Variants in NPR2 observed in about 807,000 individuals in gnomAD.
NPR2 encodes atrial natriuretic peptide receptor 2.
In NPR2, 49 loss-of-function variants were observed where a neutral mutation model predicts 120.7. The observed-to-expected ratio is 0.41, with a 90% CI of 0.32 to 0.52. The LOEUF is 0.52. Among genes scored for constraint, NPR2 ranks in the 20% least tolerant of loss-of-function variants. The pLI is 0.36. For synonymous variants in NPR2, 484 were observed against 519.8 expected (o/e 0.93, Z 0.94); for missense variants, 931 against 1,362.9 (o/e 0.68, Z 4.99).
Position 35,805,846 on chromosome 9 carries a change from C to T in NPR2, c.2064C>T (p.Ala688=), listed in dbSNP as rs1359920992. ...TCTTTTCAGAGAAGCTGTGGACTGC[C>T]CCAGAACTGCTCAGTGGGAACCCCT... ...HALYAKKLWT[A]PELLSGNPLP... Residue 688 remains alanine, a synonymous_variant, in exon 14 of 22, where the codon GCC becomes GCT. Transcript: ENST00000342694. The surrounding 1 kb of genome is among the most constrained non-coding windows in gnomAD (Gnocchi z 4.9). 2.5e-6 allele frequency: 4 copies of T among 1,614,170 alleles called. No homozygotes were observed.
rs116387591 is a variant in NPR2, at chr9:35,794,297, T to C, written c.873+194T>C. Among the ~76,000 whole-genome samples the C allele has an allele frequency of 5.4e-3, 816 of 152,368 alleles. 7 individuals are homozygous for C. Among genetic ancestry groups the C allele is most frequent in the African/African-American group, 0.018 (760 of 41,584 alleles). On this transcript the variant is annotated intron_variant, in intron 2 of 21. Transcript: ENST00000342694. ...CTTTTGTGACTCTTAGTGTGCTTGC[T>C]GCCAAGACTGACTTTGGCTGCCTCC... is the stretch of plus-strand genomic sequence containing the variant.
chr9:35,807,794 T>C (rs775708078), intron 18 of NPR2, among the ~76,000 whole-genome samples: 6 of 152,220 alleles, frequency 3.9e-5, no homozygotes, highest in Admixed American at 6.5e-5. Context: ...GTTGAAGTTA[T>C]TGAGTTGGAT....
intron 2 of NPR2, among the ~76,000 whole-genome samples, 153 bp from the exon 3 acceptor site, chr9:35,799,465 G>A (rs1828061398): frequency 6.6e-6 from 1 of 151,970 alleles, no homozygotes; most frequent in Non-Finnish European, 1.5e-5. Flanking sequence ...CACGCAGAGA[G>A]AGAGAGGTTA....
chr9:35,805,872 T>G lies in NPR2; in HGVS notation c.2090T>G (p.Leu697Trp). 1 of 1,614,154 alleles carries G rather than the reference T, an allele frequency of 6.2e-7. No individual in the cohort carries two copies. ...CCAGAACTGCTCAGTGGGAACCCCT[T>G]GCCAACCACAGGCATGCAGAAGGCT... is the stretch of plus-strand genomic sequence containing the variant. ...TAPELLSGNP[L>W]PTTGMQKADV... The change falls in exon 14 of 22, where the codon TTG becomes TGG. Residue 697 changes from leucine to tryptophan, a missense_variant. This residue lies in a region of NPR2 where 681 missense variants were observed against 974.3 expected (regional missense o/e 0.70). Transcript: ENST00000342694. This position sits in a 1 kb window ranked among gnomAD's most constrained non-coding sequence, Gnocchi z 4.9.
rs1827818360 is a variant in NPR2 at position 35,792,583 on chromosome 9, G to T, written c.175G>T (p.Ala59Ser). ...VALAVEALGR[A>S]LPVDLRFVSS... ...ACTAGCTGTGGAGGCTCTGGGCCGG[G>T]CACTGCCCGTGGACCTGCGGTTTGT... The change falls in exon 1 of 22, where the codon GCA (alanine) becomes TCA (serine). Residue 59 changes from alanine (A) to serine (S), a missense_variant. Transcript: ENST00000342694. 1 of 1,613,136 alleles carries T rather than the reference G, an allele frequency of 6.2e-7. No homozygotes were observed. The highest frequency in any genetic ancestry group is 8.5e-7 in the Non-Finnish European group (1 of 1,180,000).
At chr9:35,796,633 A>C (rs559898717) in intron 2 of NPR2, among the ~76,000 whole-genome samples, 1 of 152,248 alleles carries the variant, frequency 6.6e-6, no homozygotes, top group South Asian at 2.1e-4. Flanking sequence ...TCTCCCCCTC[A>C]CTGTGGGCAT....
At position 35,802,623 on chromosome 9, in the gene NPR2, A is replaced by G; in HGVS notation, c.1815+16A>G. 6.6e-7 allele frequency: 1 copy of G among 1,514,068 alleles called. No individual in the cohort carries two copies. The highest frequency in any genetic ancestry group is 9.2e-7 in the Non-Finnish European group (1 of 1,088,734). 93.8% of individuals were successfully genotyped at this position (1,514,068 alleles called of 1,614,324 possible). A position where few individuals can be genotyped will look rare whatever the true frequency, so the allele number is the denominator to read the frequency against. On this transcript the variant is annotated intron_variant, in intron 11 of 21. Transcript: ENST00000342694. The surrounding 1 kb of genome is among the most constrained non-coding windows in gnomAD (Gnocchi z 4.2). ...GAGTTTACAGGTGAGGGATAGGTGT[A>G]GGAGATTATGGCAGGGGTGGGAAGG...
chr9:35,799,067 G>A (rs1219283823), intron 2 of NPR2, among the ~76,000 whole-genome samples: 1 of 152,148 alleles, frequency 6.6e-6, no homozygotes, highest in African/African-American at 2.4e-5. Context: ...GTTGTCATAG[G>A]GCCTGAAATC....
Position 35,792,818 on chromosome 9 carries a change from G to A in NPR2, c.410G>A (p.Arg137His), listed in dbSNP as rs115064396. 2 of 1,614,140 alleles carry A rather than the reference G, an allele frequency of 1.2e-6. No homozygotes were observed. Among genetic ancestry groups the A allele is most frequent in the Non-Finnish European group, 1.7e-6 (2 of 1,180,016 alleles). ...SGFSAKNDHY[R>H]TLVRTGPSAP... is the part of the protein sequence containing the mutation. ...TTTTCGGCTAAGAATGACCATTATC[G>A]TACCCTGGTTCGCACTGGCCCCTCT... The change falls in exon 1 of 22, where the codon CGT (arginine) becomes CAT (histidine). Residue 137 changes from arginine (R) to histidine (H), a missense_variant. By Grantham distance (29) the Arg-to-His change is conservative. Around this residue, in one of 3 missense-constraint regions of NPR2, gnomAD observed 681 missense variants for 974.3 expected, o/e 0.70. Coordinates refer to ENST00000342694, the MANE Select transcript of NPR2 (RefSeq NM_003995.4).
rs747846019 is a variant in NPR2 at position 35,793,085 on chromosome 9, G to C, written c.667+10G>C. On this transcript the variant is annotated intron_variant, in intron 1 of 21. Transcript: ENST00000342694. ...CGGGCCAACGGGCGCAGTGAGTGTGGCCTGGGCTATTTTAGGGTCATGGGA... is the reference window on the plus strand; with the variant it reads ...CGGGCCAACGGGCGCAGTGAGTGTGCCCTGGGCTATTTTAGGGTCATGGGA... The C allele has an allele frequency of 2.5e-6, 4 of 1,583,052 alleles. No individual in the cohort carries two copies. The African/African-American group carries it at 5.4e-5, about 21-fold the overall frequency.
chr9:35,805,471 A>T lies in NPR2; in HGVS notation c.1888-40A>T, dbSNP rs1381195697. ...TCATGGAGAGAGGGTATTCTAAGCCAGATATGATCCAATCCCATGACTTGA... is the reference window on the plus strand; with the variant it reads ...TCATGGAGAGAGGGTATTCTAAGCCTGATATGATCCAATCCCATGACTTGA... On this transcript the variant is annotated intron_variant, in intron 12 of 21. Transcript: ENST00000342694. The surrounding 1 kb of genome is among the most constrained non-coding windows in gnomAD (Gnocchi z 4.9). 6 of 1,607,480 alleles carry T rather than the reference A, an allele frequency of 3.7e-6. No homozygotes were observed. Among genetic ancestry groups the T allele is most frequent in the Admixed American group, 1.7e-5 (1 of 60,004 alleles).
In NPR2 at chr9:35,800,330, G is replaced by A; in HGVS notation, c.1124-59G>A. On this transcript the variant is annotated intron_variant, in intron 4 of 21. Transcript: ENST00000342694. This position sits in a 1 kb window ranked among gnomAD's most constrained non-coding sequence, Gnocchi z 4.7. ...GACTCTGAGGGAGCCGTAGGCATGA[G>A]TGAGTGGGAGAGGAGCCCAGGGTAG... is the stretch of plus-strand genomic sequence containing the variant. 3 of 1,515,442 alleles carry A rather than the reference G, an allele frequency of 2.0e-6. No homozygotes were observed. The highest frequency in any genetic ancestry group is 2.8e-6 in the Non-Finnish European group (3 of 1,090,058). The allele number at this position is 1,515,442 out of a possible 1,614,324, so 93.9% of individuals were successfully genotyped here.
Position 35,794,054 on chromosome 9 carries a change from A to T in NPR2, c.824A>T (p.Gln275Leu). Residue 275 changes from glutamine to leucine, a missense_variant, in exon 2 of 22, where the codon CAG becomes CTG. By Grantham distance (113) the Gln-to-Leu change is moderately radical. Coordinates refer to ENST00000342694, the MANE Select transcript of NPR2 (RefSeq NM_003995.4). ...ACACGTGCTACAGGCCGGCCCTGGC[A>T]GGACAATCGCACCCGGGAACAGGCC... ...GPTRATGRPWQDNRTREQAQA... is the reference protein window; with the variant it reads ...GPTRATGRPWLDNRTREQAQA... 1 of 1,614,238 alleles carries T rather than the reference A, an allele frequency of 6.2e-7. No individual in the cohort carries two copies.
intron 7 of NPR2, 27 bp from the exon 8 acceptor site, chr9:35,801,616 G>A (rs770706955): frequency 2.2e-5 from 36 of 1,613,970 alleles, no homozygotes; most frequent in Non-Finnish European, 2.8e-5. Flanking sequence ...CGGCTTGCCA[G>A]TCAACTGAGG....
rs1828520363 is a variant in NPR2, at chr9:35,808,218, T to C, written c.2713-291T>C. The C allele has an allele frequency of 1.9e-6, 3 of 1,614,050 alleles. No homozygotes were observed. The highest frequency in any genetic ancestry group is 2.7e-5 in the African/African-American group (2 of 74,914). ...GAGTTACCGTTTTCTTGCTTCCCAT[T>C]TCCTGATGGCAGAGCCTATTTGTCC... On this transcript the variant is annotated intron_variant, in intron 18 of 21. Coordinates refer to ENST00000342694, the MANE Select transcript of NPR2 (RefSeq NM_003995.4). This position sits in a 1 kb window ranked among gnomAD's most constrained non-coding sequence, Gnocchi z 4.0.
Position 35,809,139 on chromosome 9 carries a change from C to T in NPR2, c.2987-17C>T, listed in dbSNP as rs1828603436. 2 of 1,606,522 alleles carry T rather than the reference C, an allele frequency of 1.2e-6. No individual in the cohort carries two copies. The highest frequency in any genetic ancestry group is 1.7e-4 in the Middle Eastern group (1 of 5,900). On this transcript the variant is annotated splice_polypyrimidine_tract_variant and intron_variant, in intron 20 of 21. Coordinates refer to ENST00000342694, the MANE Select transcript of NPR2 (RefSeq NM_003995.4). The surrounding 1 kb of genome is among the most constrained non-coding windows in gnomAD (Gnocchi z 4.1). ...TGATTCCTCATTCCACCATCCTCCC[C>T]ATTCCACCCACCCCAGCGCTGAAGA...
At chr9:35,795,170 G>A (rs574282568) in intron 2 of NPR2, among the ~76,000 whole-genome samples, 1 of 152,180 alleles carries the variant, frequency 6.6e-6, no homozygotes, top group African/African-American at 2.4e-5. Flanking sequence ...CTTACCTCCT[G>A]GTACCCTCAT....
At position 35,808,720 on chromosome 9, in the gene NPR2, T is replaced by C. The variant is rs201360516; in HGVS notation, c.2888-35T>C. The C allele has an allele frequency of 1.2e-6, 2 of 1,612,600 alleles. No individual in the cohort carries two copies. The highest frequency in any genetic ancestry group is 2.2e-5 in the East Asian group (1 of 44,870). On this transcript the variant is annotated intron_variant, in intron 19 of 21. Coordinates refer to ENST00000342694, the MANE Select transcript of NPR2 (RefSeq NM_003995.4). This position sits in a 1 kb window ranked among gnomAD's most constrained non-coding sequence, Gnocchi z 4.0. ...TCTCACTCCAGCCCTAGTCTCCACCTTTCCCAGACTCTCCCAACCTGTTTC... is the reference window on the plus strand; with the variant it reads ...TCTCACTCCAGCCCTAGTCTCCACCCTTCCCAGACTCTCCCAACCTGTTTC...
chr9:35,806,080 T>A lies in NPR2; in HGVS notation c.2219T>A (p.Val740Glu), dbSNP rs1828366212. Residue 740 changes from valine to glutamate, a missense_variant, in exon 15 of 22, where the codon GTA becomes GAA. Val to Glu is a moderately radical substitution (Grantham distance 121, BLOSUM62 -2). Transcript: ENST00000342694. This position sits in a 1 kb window ranked among gnomAD's most constrained non-coding sequence, Gnocchi z 4.6. ...DLSPKEIVQK[V>E]RNGQRPYFRP... The stretch of plus-strand genomic sequence containing the variant: ...TCACCCTCAGAGATTGTCCAGAAGG[T>A]ACGAAATGGTCAGCGGCCATATTTC... The A allele has an allele frequency of 6.2e-7, 1 of 1,613,954 alleles. No homozygotes were observed. The highest frequency in any genetic ancestry group is 1.3e-5 in the African/African-American group (1 of 74,868).
Sources: gnomAD v4.1 joint callset for allele counts (sites outside exome capture counted in the v4.1 genomes callset) on GRCh38, gnomAD v4.1.1 for gene constraint, gnomAD v4.1.1 regional missense constraint, Gnocchi (gnomAD v3.1) non-coding constraint, MANE v1.5 for transcripts, NCBI Gene and HGNC (gene_info 2026-07-23, HGNC 2026-07-21) for gene names.